Variants in DYNC1I1 observed in about 807,000 individuals in gnomAD.
DYNC1I1 encodes dynein cytoplasmic 1 intermediate chain 1, also known as cytoplasmic dynein 1 intermediate chain 1.
Under a neutral mutation model 86.6 loss-of-function variants are expected in DYNC1I1, and 43 were observed. The observed-to-expected ratio is 0.50, with a 90% CI of 0.39 to 0.64. DYNC1I1 has a LOEUF of 0.64. Ranked by LOEUF, DYNC1I1 falls within the 30% of genes least tolerant of loss-of-function variation. DYNC1I1 has a pLI of 0.00. For missense variants in DYNC1I1, 604 were observed against 788.8 expected (o/e 0.77, Z 2.81); for synonymous variants, 262 against 283.7 (o/e 0.92, Z 0.77).
chr7:96,018,982 G>A (rs182844166), intron 10 of DYNC1I1, among the ~76,000 whole-genome samples: 1 of 152,258 alleles, frequency 6.6e-6, no homozygotes, highest in African/African-American at 2.4e-5. Flanking sequence ...CAGATCACTA[G>A]ATGTCTACCT....
intron 5 of DYNC1I1, among the ~76,000 whole-genome samples, chr7:95,843,684 G>A (rs1185357720): frequency 6.6e-6 from 1 of 152,088 alleles, no homozygotes; most frequent in Non-Finnish European, 1.5e-5. Flanking sequence ...AGAAAAAAGG[G>A]AGATGATATG....
At chr7:95,961,792 C>A (rs192417879) in intron 6 of DYNC1I1, among the ~76,000 whole-genome samples, 1 of 152,328 alleles carries the variant, frequency 6.6e-6, no homozygotes, top group Admixed American at 6.5e-5. Context: ...GCTACCAGAG[C>A]ATACTTATTT....
At chr7:95,899,197 A>C (rs897953298) in intron 6 of DYNC1I1, among the ~76,000 whole-genome samples, 8 of 152,206 alleles carry the variant, frequency 5.3e-5, no homozygotes, top group African/African-American at 1.9e-4. Context: ...TGAATGAAGG[A>C]AGCCCTGTAG....
chr7:96,063,293 TG>T (rs1371514244), intron 14 of DYNC1I1, among the ~76,000 whole-genome samples: 1 of 152,008 alleles, frequency 6.6e-6, no homozygotes, highest in African/African-American at 2.4e-5. Context: ...ATTGCACTGT[TG>T]GGGGAATTAC....
intron 6 of DYNC1I1, among the ~76,000 whole-genome samples, chr7:95,916,720 C>T (rs1451096274): frequency 6.6e-6 from 1 of 152,084 alleles, no homozygotes; most frequent in African/African-American, 2.4e-5. Flanking sequence ...CCAGTTTTGC[C>T]GCTTTGTCCT....
chr7:96,094,731 A>G (rs999792395), intron 16 of DYNC1I1, among the ~76,000 whole-genome samples: 3 of 152,200 alleles, frequency 2.0e-5, no homozygotes, highest in Non-Finnish European at 4.4e-5. Flanking sequence ...TAAATCTAAC[A>G]TTACAATCAC....
intron 14 of DYNC1I1, among the ~76,000 whole-genome samples, chr7:96,075,697 C>T (rs572126942): frequency 6.6e-6 from 1 of 152,158 alleles, no homozygotes; most frequent in Non-Finnish European, 1.5e-5. Context: ...TGAGCCGGGC[C>T]GACCACGGTT....
At position 96,058,523 on chromosome 7, in the gene DYNC1I1, T is replaced by C. The variant is rs1413262328; in HGVS notation, c.1510-17534T>C. On this transcript the variant is annotated intron_variant, in intron 14 of 16. Coordinates refer to ENST00000447467, the MANE Select transcript of DYNC1I1 (RefSeq NM_001135556.2). The stretch of plus-strand genomic sequence containing the variant: ...ATGACCATTTATTGAGAGCTTACTA[T>C]AGTTCAGTTACTGGGAGTATCACAG... 2.0e-5 allele frequency among the ~76,000 whole-genome samples: 3 copies of C among 152,292 alleles called. No homozygotes were observed. In the East Asian group the frequency reaches 5.8e-4, roughly 29 times the overall value.
At chr7:95,954,979 T>G (rs1792671212) in intron 6 of DYNC1I1, among the ~76,000 whole-genome samples, 1 of 151,456 alleles carries the variant, frequency 6.6e-6, no homozygotes, top group Admixed American at 6.6e-5. Context: ...TTTTAATATG[T>G]CTTTTGAATA....
At chr7:96,052,878 C>G (rs997653526) in intron 14 of DYNC1I1, among the ~76,000 whole-genome samples, 1 of 152,162 alleles carries the variant, frequency 6.6e-6, no homozygotes, top group East Asian at 1.9e-4. Context: ...CACCTCTTGC[C>G]TGATGTCATG....
rs915257709 is a variant in DYNC1I1, at chr7:96,044,456, CT to C, written c.1509+5046del. Among the ~76,000 whole-genome samples, 457 of 145,764 alleles carry C rather than the reference CT, an allele frequency of 3.1e-3. 1 individual carries two copies. Among genetic ancestry groups the C allele is most frequent in the African/African-American group, 8.8e-3 (350 of 39,980 alleles). ...CATTAAAATCAAGATGTTTTCTTTCCTTTTTTTTTTTCTTCTTGAGATTAGA... is the reference window on the plus strand; with the variant it reads ...CATTAAAATCAAGATGTTTTCTTTCCTTTTTTTTTTCTTCTTGAGATTAGA... On this transcript the variant is annotated intron_variant, in intron 14 of 16. Coordinates refer to ENST00000447467, the MANE Select transcript of DYNC1I1 (RefSeq NM_001135556.2).
chr7:96,006,088 A>G (rs1001419525), intron 10 of DYNC1I1, among the ~76,000 whole-genome samples: 3 of 152,190 alleles, frequency 2.0e-5, no homozygotes, highest in African/African-American at 7.2e-5. Context: ...GAGTATTTCA[A>G]CTGTAGATTT....
chr7:95,818,799 T>C (rs963834027), intron 4 of DYNC1I1: 5 of 334,688 alleles, frequency 1.5e-5, no homozygotes, highest in African/African-American at 2.1e-5. Context: ...ATTATATGTA[T>C]GTCATCATAT....
chr7:96,016,934 G>A (rs1411966279), intron 10 of DYNC1I1, among the ~76,000 whole-genome samples: 4 of 152,162 alleles, frequency 2.6e-5, no homozygotes, highest in South Asian at 2.1e-4. Context: ...GACTCCCTTA[G>A]TGTCACTTTC....
chr7:95,963,890 G>C (rs1430518203), intron 6 of DYNC1I1, among the ~76,000 whole-genome samples: 2 of 152,152 alleles, frequency 1.3e-5, no homozygotes, highest in African/African-American at 4.8e-5. Flanking sequence ...GTTGTACTTA[G>C]TCCAAGTAAC....
chr7:96,019,166 C>T (rs1260883460), intron 10 of DYNC1I1, among the ~76,000 whole-genome samples: 1 of 152,132 alleles, frequency 6.6e-6, no homozygotes, highest in Non-Finnish European at 1.5e-5. Context: ...ACACATCATT[C>T]TTTGTAGTGA....
At chr7:95,901,001 AG>A (rs1791023784) in intron 6 of DYNC1I1, among the ~76,000 whole-genome samples, 1 of 152,200 alleles carries the variant, frequency 6.6e-6, no homozygotes. Context: ...GATATAGAGG[AG>A]GAAGAAAAAA....
chr7:96,056,457 A>G (rs1332085431), intron 14 of DYNC1I1, among the ~76,000 whole-genome samples: 1 of 152,206 alleles, frequency 6.6e-6, no homozygotes, highest in Non-Finnish European at 1.5e-5. Flanking sequence ...TTAACAGCAG[A>G]GAAAGACTAT....
In DYNC1I1 at chr7:95,980,558, T is replaced by C. The variant is rs77430094; in HGVS notation, c.580+2957T>C. Among the ~76,000 whole-genome samples the C allele has an allele frequency of 2.3e-3, 344 of 149,154 alleles. 1 individual carries two copies. The highest frequency in any genetic ancestry group is 7.9e-3 in the African/African-American group (319 of 40,518). On this transcript the variant is annotated intron_variant, in intron 7 of 16. Transcript: ENST00000447467. ...TGGCTTTTTTTTTTTTTTTTTTTTT[T>C]TTTTGGAGTGAAAAGGAAGAAAAAG... is the stretch of plus-strand genomic sequence containing the variant.
Sources: gnomAD v4.1 joint callset for allele counts (sites outside exome capture counted in the v4.1 genomes callset) on GRCh38, gnomAD v4.1.1 for gene constraint, MANE v1.5 for transcripts, NCBI Gene and HGNC (gene_info 2026-07-23, HGNC 2026-07-21) for gene names.